Variants in PALLD observed in about 807,000 individuals in gnomAD.
The protein encoded by PALLD is palladin, cytoskeletal associated protein.
Under a neutral mutation model 123.5 loss-of-function variants are expected in PALLD, and 61 were observed. The observed-to-expected ratio is 0.49, with a 90% CI of 0.40 to 0.61. The LOEUF is 0.61. Ranked by LOEUF, PALLD falls within the 20% of genes least tolerant of loss-of-function variation. PALLD has a pLI of 0.00. For missense variants in PALLD, 1,273 were observed against 1,377.0 expected (o/e 0.92, Z 1.20); for synonymous variants, 465 against 496.4 (o/e 0.94, Z 0.84).
chr4:168,909,224 G>A (rs1055412577), intron 15 of PALLD, among the ~76,000 whole-genome samples: 3 of 152,144 alleles, frequency 2.0e-5, no homozygotes, highest in African/African-American at 7.2e-5. Flanking sequence ...AAGTTACTTT[G>A]TATTGCACTT....
At chr4:168,881,414 C>A (rs184538527) in intron 10 of PALLD, among the ~76,000 whole-genome samples, 2 of 151,298 alleles carry the variant, frequency 1.3e-5, no homozygotes, top group Non-Finnish European at 2.9e-5. Flanking sequence ...ACCACAAAGC[C>A]GAGGCAAAAG....
chr4:168,761,645 G>GTTTGTTTTTTTTTTTTTTTTTT (rs1561493717), intron 10 of PALLD, among the ~76,000 whole-genome samples: 1 of 88,024 alleles, frequency 1.1e-5, no homozygotes, highest in African/African-American at 4.1e-5. Context: ...GTTGTTGTTT[G>GTTTGTTTTTTTTTTTTTTTTTT]TTTTTTTTTT....
intron 10 of PALLD, among the ~76,000 whole-genome samples, chr4:168,866,095 T>C (rs984607904): frequency 7.0e-6 from 1 of 143,216 alleles, no homozygotes; most frequent in African/African-American, 2.7e-5. Flanking sequence ...ACCCTGTCTC[T>C]ACTAAAAAAA....
At chr4:168,841,870 A>G (rs1046837124) in intron 10 of PALLD, among the ~76,000 whole-genome samples, 6 of 152,232 alleles carry the variant, frequency 3.9e-5, no homozygotes, top group African/African-American at 1.4e-4. Context: ...CTCTCAGCAT[A>G]TATTTCAGAA....
intron 2 of PALLD, among the ~76,000 whole-genome samples, chr4:168,659,332 T>G (rs1778909860): frequency 6.6e-6 from 1 of 152,198 alleles, no homozygotes; most frequent in Non-Finnish European, 1.5e-5. Context: ...TACCCTTTAT[T>G]TTCATTATTA....
At chr4:168,536,845 T>G (rs1282091593) in intron 2 of PALLD, among the ~76,000 whole-genome samples, 3 of 151,626 alleles carry the variant, frequency 2.0e-5, no homozygotes, top group Non-Finnish European at 4.4e-5. Context: ...TTTTTTTTTT[T>G]GAGACGGAGT....
intron 10 of PALLD, among the ~76,000 whole-genome samples, chr4:168,827,349 CCA>C (rs1698234015): frequency 6.6e-6 from 1 of 152,146 alleles, no homozygotes; most frequent in Non-Finnish European, 1.5e-5. Flanking sequence ...TTTAGAATAC[CCA>C]CATTTTGGTT....
intron 17 of PALLD, among the ~76,000 whole-genome samples, chr4:168,920,080 T>C (rs1582195917): frequency 6.6e-6 from 1 of 152,170 alleles, no homozygotes; most frequent in East Asian, 1.9e-4. Context: ...CAGTGCCGCT[T>C]TGTTTCTAGA....
chr4:168,924,342 G>A lies in PALLD; in HGVS notation c.3146G>A (p.Arg1049His), dbSNP rs755223646. The A allele has an allele frequency of 2.2e-5, 35 of 1,613,752 alleles. No individual in the cohort carries two copies. Among genetic ancestry groups the A allele is most frequent in the South Asian group, 3.3e-5 (3 of 91,080 alleles). ...ADGYPVRLEC[R>H]VLGVPPPQIF... ...GGGTACCCAGTGCGGCTGGAATGTC[G>A]TGTATTGGGAGTGCCACCACCTCAG... Residue 1049 changes from arginine to histidine, a missense_variant, in exon 19 of 22, where the codon CGT becomes CAT. Coordinates refer to ENST00000505667, the MANE Select transcript of PALLD (RefSeq NM_001166108.2).
intron 5 of PALLD, 95 bp downstream of exon 5, chr4:168,683,198 C>T (rs1197438151): frequency 7.6e-6 from 5 of 656,142 alleles, no homozygotes; most frequent in Non-Finnish European, 1.4e-5. Context: ...CTAGTATACT[C>T]CCTTGAAATA....
chr4:168,800,881 CA>C (rs2150677941), intron 10 of PALLD, among the ~76,000 whole-genome samples: 1 of 152,134 alleles, frequency 6.6e-6, no homozygotes, highest in East Asian at 1.9e-4. Context: ...AACAGTAGAA[CA>C]AGTAAGGAAA....
At chr4:168,639,831 A>C (rs994651547) in intron 2 of PALLD, among the ~76,000 whole-genome samples, 1 of 152,176 alleles carries the variant, frequency 6.6e-6, no homozygotes, top group East Asian at 1.9e-4. Flanking sequence ...GGCGTGAGCC[A>C]CCGTGCCCGG....
intron 10 of PALLD, among the ~76,000 whole-genome samples, chr4:168,877,078 T>C (rs757436192): frequency 2.0e-5 from 3 of 152,230 alleles, no homozygotes; most frequent in African/African-American, 4.8e-5. Flanking sequence ...TTACATGTGT[T>C]TGAAATAACA....
chr4:168,526,929 T>C (rs1307883733), intron 2 of PALLD, among the ~76,000 whole-genome samples: 2 of 152,032 alleles, frequency 1.3e-5, no homozygotes, highest in African/African-American at 2.4e-5. Context: ...CAAGAAGCAA[T>C]GAGAAAAGGC....
intron 2 of PALLD, among the ~76,000 whole-genome samples, chr4:168,600,807 A>T (rs931665087): frequency 6.6e-6 from 1 of 152,190 alleles, no homozygotes; most frequent in Non-Finnish European, 1.5e-5. Context: ...AACAGGGCAC[A>T]AGAGACTAAA....
chr4:168,594,102 G>A (rs1223669496), intron 2 of PALLD, among the ~76,000 whole-genome samples: 1 of 152,122 alleles, frequency 6.6e-6, no homozygotes, highest in African/African-American at 2.4e-5. Flanking sequence ...CAAATAAGAA[G>A]TAGAGGTTAT....
chr4:168,632,648 A>G (rs1775948904), intron 2 of PALLD, among the ~76,000 whole-genome samples: 1 of 152,220 alleles, frequency 6.6e-6, no homozygotes, highest in Non-Finnish European at 1.5e-5. Context: ...AGTGGCAGGC[A>G]GAATACAATA....
At chr4:168,706,190 G>T (rs1784213308) in intron 8 of PALLD, among the ~76,000 whole-genome samples, 1 of 152,032 alleles carries the variant, frequency 6.6e-6, no homozygotes, top group South Asian at 2.1e-4. Flanking sequence ...TTGGCAGCCA[G>T]CATTCGACCT....
At chr4:168,697,994 A>G (rs1403673397) in intron 8 of PALLD, among the ~76,000 whole-genome samples, 1 of 152,220 alleles carries the variant, frequency 6.6e-6, no homozygotes, top group African/African-American at 2.4e-5. Context: ...ATGCATGGCT[A>G]AAGGAAATGT....
Sources: allele counts gnomAD v4.1 joint callset (sites outside exome capture counted in the v4.1 genomes callset), GRCh38; gene constraint gnomAD v4.1.1; transcripts MANE v1.5; gene names NCBI Gene and HGNC (gene_info 2026-07-23, HGNC 2026-07-21).